The following OPA3 variants were observed in gnomAD, a reference collection of about 807,000 sequenced individuals.
OPA3 encodes the protein optic atrophy 3 protein.
In OPA3, 6 loss-of-function variants were observed where a neutral mutation model predicts 4.0. The observed-to-expected ratio is 1.51, with a 90% CI of 0.83 to 2.99. The LOEUF is 2.99. OPA3 is among the 30% of genes most tolerant of loss of function. The pLI is 0.00. For synonymous variants in OPA3, 105 were observed against 117.1 expected, an observed-to-expected ratio of 0.90 and a Z score of 0.67; for missense variants, 235 against 256.2, an observed-to-expected ratio of 0.92 and a Z score of 0.56.
chr19:45,560,091 G>C (rs548559430), intron 1 of OPA3, among the ~76,000 whole-genome samples: 1 of 152,160 alleles, frequency 6.6e-6, no homozygotes, highest in Admixed American at 6.5e-5. Flanking sequence ...TTTATTCCTG[G>C]AAGTACATCC....
chr19:45,569,254 T>C (rs1353635544), intron 1 of OPA3, among the ~76,000 whole-genome samples: 4 of 151,790 alleles, frequency 2.6e-5, no homozygotes, highest in Non-Finnish European at 2.9e-5. Flanking sequence ...AGGTCAGGAG[T>C]TCAAGACCTC....
intron 1 of OPA3, among the ~76,000 whole-genome samples, chr19:45,579,205 C>T (rs1232741198): frequency 6.6e-6 from 1 of 152,070 alleles, no homozygotes; most frequent in African/African-American, 2.4e-5. Flanking sequence ...GCAATTATTG[C>T]TATCTAATAT....
chr19:45,545,173 A>AC (rs1401192169), downstream of OPA3, among the ~76,000 whole-genome samples: 6 of 144,226 alleles, frequency 4.2e-5, 1 homozygote, highest in South Asian at 8.8e-4. Context: ...TCAAAAAAAA[A>AC]AAAAACAAAA....
chr19:45,555,897 G>C (rs1411394326), intron 1 of OPA3, among the ~76,000 whole-genome samples: 1 of 151,908 alleles, frequency 6.6e-6, no homozygotes, highest in Non-Finnish European at 1.5e-5. Context: ...CTCCCAAAGT[G>C]CTGGGATTGC....
At chr19:45,584,488 AC>A in intron 1 of OPA3, 134 bp downstream of exon 1, 3 of 1,561,140 alleles carry the variant, frequency 1.9e-6, no homozygotes, top group Non-Finnish European at 2.6e-6. Flanking sequence ...TCTATCAGAA[AC>A]CCCCCACTAT....
At chr19:45,567,222 C>T (rs1246047338) in intron 1 of OPA3, among the ~76,000 whole-genome samples, 1 of 151,678 alleles carries the variant, frequency 6.6e-6, no homozygotes, top group East Asian at 1.9e-4. Flanking sequence ...TGCCTGTGGT[C>T]CCAGCTACTC....
intron 1 of OPA3, among the ~76,000 whole-genome samples, chr19:45,539,753 CAAAA>C (rs758168568): frequency 1.8e-5 from 2 of 110,540 alleles, no homozygotes; most frequent in Admixed American, 9.6e-5. Flanking sequence ...GACCTTGTCT[CAAAA>C]AAAAAAAAAA....
intron 1 of OPA3, among the ~76,000 whole-genome samples, chr19:45,572,579 GTATATAAATA>G (rs1226477876): frequency 7.6e-6 from 1 of 131,344 alleles, no homozygotes; most frequent in Non-Finnish European, 1.6e-5. Context: ...CATGATATAT[GTATATAAATA>G]TATATATTGA....
At chr19:45,556,903 C>T (rs373537893) in intron 1 of OPA3, among the ~76,000 whole-genome samples, 2 of 152,210 alleles carry the variant, frequency 1.3e-5, no homozygotes, top group South Asian at 4.1e-4. Flanking sequence ...GGGGTCCCCC[C>T]GGGGCTCCGC....
chr19:45,546,929 A>G lies in OPA3; in HGVS notation c.*6585T>C, dbSNP rs1026526376. The G allele has an allele frequency of 6.6e-6, 1 of 152,186 alleles. No individual in the cohort carries two copies. Among genetic ancestry groups the G allele is most frequent in the Admixed American group, 6.6e-5 (1 of 15,256 alleles). The allele number at this position is 152,186 out of a possible 1,614,324, so 9.4% of individuals were successfully genotyped here. A position where few individuals can be genotyped will look rare whatever the true frequency, so the allele number is the denominator to read the frequency against. The stretch of plus-strand genomic sequence containing the variant: ...AGTGATCCTCCCACCTTGGTCTTCC[A>G]AAGTACTGAGATTACAGGCGTGAGC... On this transcript the variant is annotated 3_prime_UTR_variant, in exon 2 of 2. Transcript: ENST00000263275.
chr19:45,547,436 T>C lies in OPA3; in HGVS notation c.*6078A>G, dbSNP rs1438279268. The C allele has an allele frequency of 1.3e-5, 2 of 151,952 alleles. No individual in the cohort carries two copies. The highest frequency in any genetic ancestry group is 4.8e-5 in the African/African-American group (2 of 41,364). 9.4% of individuals were successfully genotyped at this position (151,952 alleles called of 1,614,324 possible). ...TATTTACAAAGACAGGAAGCAAGGG[T>C]CCCCTTGATTTGGCCCAAAGGCCTT... On this transcript the variant is annotated 3_prime_UTR_variant, in exon 2 of 2. Transcript: ENST00000263275.
Position 45,549,782 on chromosome 19 carries a change from C to T in OPA3, c.*3732G>A. ...GGCGTGAGCTGGCCTGGGTCACTCCCAGTTTTAAACACAGCCCACTCAGGA... is the reference window on the plus strand; with the variant it reads ...GGCGTGAGCTGGCCTGGGTCACTCCTAGTTTTAAACACAGCCCACTCAGGA... On this transcript the variant is annotated 3_prime_UTR_variant, in exon 2 of 2. Transcript: ENST00000263275. 2 of 985,366 alleles carry T rather than the reference C, an allele frequency of 2.0e-6. No homozygotes were observed. The highest frequency in any genetic ancestry group is 1.7e-5 in the African/African-American group (1 of 57,314). 61.0% of individuals were successfully genotyped at this position (985,366 alleles called of 1,614,324 possible). A position where few individuals can be genotyped will look rare whatever the true frequency, so the allele number is the denominator to read the frequency against.
chr19:45,530,689 C>T (rs903423630), intron 1 of OPA3, among the ~76,000 whole-genome samples: 2 of 151,992 alleles, frequency 1.3e-5, no homozygotes, highest in African/African-American at 4.8e-5. Flanking sequence ...AAACTCCTGA[C>T]CTCAAGTGAT....
rs1555730889 is a variant in OPA3 at position 45,537,410 on chromosome 19, A to AAAAAAAAAAAAG, written c.143-7955_143-7954insCTTTTTTTTTTT. Reference sequence around the variant, plus strand: ...AGACTCTGTCTCAAAAAAAAAAAAAAAAAAAAAAAAAACAAGAAAAGAACT... The same window carrying AAAAAAAAAAAAG: ...AGACTCTGTCTCAAAAAAAAAAAAAAAAAAAAAAAAAGAAAAAAAAAAAACAAGAAAAGAACT... On this transcript the variant is annotated intron_variant, in intron 1 of 1. Transcript: ENST00000323060. Among the ~76,000 whole-genome samples the AAAAAAAAAAAAG allele has an allele frequency of 3.5e-4, 42 of 120,110 alleles. 1 individual carries two copies. Among genetic ancestry groups the AAAAAAAAAAAAG allele is most frequent in the East Asian group, 3.2e-3 (11 of 3,444 alleles). The allele number at this position is 120,110 out of a possible 152,430, so 78.8% of individuals were successfully genotyped here. A position where few individuals can be genotyped will look rare whatever the true frequency, so the allele number is the denominator to read the frequency against.
At position 45,550,448 on chromosome 19, in the gene OPA3, G is replaced by A; in HGVS notation, c.*3066C>T. 1 of 985,956 alleles carries A rather than the reference G, an allele frequency of 1.0e-6. No homozygotes were observed. The highest frequency in any genetic ancestry group is 1.2e-6 in the Non-Finnish European group (1 of 830,414). 61.1% of individuals were successfully genotyped at this position (985,956 alleles called of 1,614,324 possible). On this transcript the variant is annotated 3_prime_UTR_variant, in exon 2 of 2. Transcript: ENST00000263275. ...GTCTCCCACTATCAACGCCACCTCT[G>A]GGATGGTCTGGGCCTCTGTGTAGAG... is the stretch of plus-strand genomic sequence containing the variant.
Position 45,554,274 on chromosome 19 carries a change from C to G in OPA3, c.143-363G>C, listed in dbSNP as rs149673753. On this transcript the variant is annotated intron_variant, in intron 1 of 1. Coordinates refer to ENST00000263275, the MANE Select transcript of OPA3 (RefSeq NM_025136.4). The stretch of plus-strand genomic sequence containing the variant: ...CCCAGGAGAAAGACCAACCTCCTTT[C>G]TTGCCTTATTTTCCCAAAATGCAAA... 7.5e-3 allele frequency among the ~76,000 whole-genome samples: 1,148 copies of G among 152,334 alleles called. 14 individuals are homozygous for G. Among genetic ancestry groups the G allele is most frequent in the African/African-American group, 0.026 (1,074 of 41,572 alleles).
chr19:45,576,434 G>C (rs892951447), intron 1 of OPA3, among the ~76,000 whole-genome samples: 12 of 151,264 alleles, frequency 7.9e-5, no homozygotes, highest in African/African-American at 2.4e-4. Context: ...GCTACTCAGG[G>C]GACTGAGGCA....
At chr19:45,574,996 C>T (rs992758641) in intron 1 of OPA3, among the ~76,000 whole-genome samples, 1 of 152,170 alleles carries the variant, frequency 6.6e-6, no homozygotes, top group African/African-American at 2.4e-5. Flanking sequence ...GCCACCTCCA[C>T]CTGCACCTGG....
intron 1 of OPA3, among the ~76,000 whole-genome samples, chr19:45,565,800 A>T (rs1243635523): frequency 3.3e-5 from 5 of 151,884 alleles, no homozygotes; most frequent in Non-Finnish European, 7.4e-5. Flanking sequence ...AAGATTTTTA[A>T]ATTAGCTGTA....
Sources: gnomAD v4.1 joint callset for allele counts (sites outside exome capture counted in the v4.1 genomes callset) on GRCh38, gnomAD v4.1.1 for gene constraint, MANE v1.5 for transcripts, NCBI Gene and HGNC (gene_info 2026-07-23, HGNC 2026-07-21) for gene names.